The following FBXW11 variants were observed in gnomAD, a reference collection of about 807,000 sequenced individuals.
FBXW11 encodes F-box and WD repeat domain containing 11, also known as F-box/WD repeat-containing protein 11.
In FBXW11, 19 loss-of-function variants were observed where a neutral mutation model predicts 77.6. That is an observed-to-expected ratio of 0.24 (90% CI 0.17 to 0.36). The LOEUF (loss-of-function observed/expected upper bound fraction) is 0.36, where lower values mean the gene tolerates loss of function less well. Among genes scored for constraint, FBXW11 ranks in the 10% least tolerant of loss-of-function variants. FBXW11 has a pLI of 1.00. For synonymous variants in FBXW11, 235 were observed against 249.4 expected (o/e 0.94, Z 0.54); for missense variants, 334 against 704.2 (o/e 0.47, Z 5.95).
At chr5:171,913,749 C>T (rs150800679) in intron 3 of FBXW11, among the ~76,000 whole-genome samples, 132 of 151,396 alleles carry the variant, frequency 8.7e-4, no homozygotes, top group Middle Eastern at 3.4e-3. Context: ...GCCATGTGTA[C>T]CAGCATGGTT....
At position 171,870,787 on chromosome 5, in the gene FBXW11, C is replaced by A; in HGVS notation, c.1412G>T (p.Arg471Leu). Residue 471 changes from arginine (R) to leucine (L), a missense_variant, in exon 11 of 14, where the codon CGG becomes CTG. Coordinates refer to ENST00000517395, the MANE Select transcript of FBXW11 (RefSeq NM_001378974.1). ...EGHEELVRCI[R>L]FDNKRIVSGA... ...ACTGACAATCCTCTTGTTATCAAAC[C>A]GGATGCATCGGACCAATTCTTCATG... The A allele has an allele frequency of 6.2e-7, 1 of 1,613,976 alleles. No individual in the cohort carries two copies.
intron 6 of FBXW11, among the ~76,000 whole-genome samples, chr5:171,893,431 A>AAAAAAAAAAC (rs1759508228): frequency 6.9e-6 from 1 of 145,158 alleles, no homozygotes; most frequent in Non-Finnish European, 1.5e-5. Context: ...CAAAAAAAAA[A>AAAAAAAAAAC]AAAAAAAAAA....
intron 1 of FBXW11, among the ~76,000 whole-genome samples, chr5:171,999,755 A>G (rs1281772613): frequency 6.6e-6 from 1 of 152,116 alleles, no homozygotes; most frequent in Non-Finnish European, 1.5e-5. Flanking sequence ...GCTTTTTACT[A>G]TACAATGGTT....
At chr5:172,004,152 T>C (rs1766584842) in intron 1 of FBXW11, among the ~76,000 whole-genome samples, 2 of 152,252 alleles carry the variant, frequency 1.3e-5, no homozygotes, top group Admixed American at 1.3e-4. Context: ...AATTAGATTC[T>C]AAGGCATTAT....
At chr5:171,933,024 G>C (rs556186754) in intron 2 of FBXW11, among the ~76,000 whole-genome samples, 1 of 148,026 alleles carries the variant, frequency 6.8e-6, no homozygotes, top group Non-Finnish European at 1.5e-5. Context: ...CCAGCTACTT[G>C]TGAGGCTGAG....
At chr5:171,866,073 T>C (rs974050938) in intron 13 of FBXW11, among the ~76,000 whole-genome samples, 1 of 152,176 alleles carries the variant, frequency 6.6e-6, no homozygotes, top group African/African-American at 2.4e-5. Context: ...GAGACCAGCC[T>C]GGCCAACATG....
At chr5:171,987,830 G>A (rs1334653923) in intron 1 of FBXW11, among the ~76,000 whole-genome samples, 4 of 151,994 alleles carry the variant, frequency 2.6e-5, no homozygotes, top group Admixed American at 6.6e-5. Context: ...TCTACTTCCC[G>A]TGATCCTTAC....
At chr5:171,871,485 C>T (rs1439402712) in intron 10 of FBXW11, among the ~76,000 whole-genome samples, 1 of 152,136 alleles carries the variant, frequency 6.6e-6, no homozygotes, top group Non-Finnish European at 1.5e-5. Context: ...CTGGGATTGA[C>T]GGTTTACAAA....
intron 1 of FBXW11, among the ~76,000 whole-genome samples, chr5:171,990,805 G>A (rs1472108974): frequency 1.3e-5 from 2 of 152,056 alleles, no homozygotes; most frequent in African/African-American, 4.8e-5. Context: ...TAGAAGGAAT[G>A]AGAAACTTTT....
At chr5:171,953,846 T>C (rs935632381) in intron 2 of FBXW11, among the ~76,000 whole-genome samples, 7 of 152,092 alleles carry the variant, frequency 4.6e-5, no homozygotes, top group Non-Finnish European at 8.8e-5. Context: ...TAAAAAATAT[T>C]CTCTTATATC....
chr5:171,939,558 C>A (rs1391619826), intron 2 of FBXW11, among the ~76,000 whole-genome samples: 45 of 151,934 alleles, frequency 3.0e-4, no homozygotes, highest in Non-Finnish European at 5.9e-5. Context: ...ATTAACAGGG[C>A]ATGGTGACAT....
intron 1 of FBXW11, among the ~76,000 whole-genome samples, chr5:171,998,796 CAAAAA>C (rs34476350): frequency 1.7e-5 from 1 of 60,032 alleles, no homozygotes. Context: ...GACTCCGTCT[CAAAAA>C]AAAAAAAAAA....
chr5:171,995,074 A>T (rs1002408496), intron 1 of FBXW11, among the ~76,000 whole-genome samples: 14 of 152,328 alleles, frequency 9.2e-5, no homozygotes, highest in Middle Eastern at 3.4e-3. Context: ...GTCTACAATA[A>T]AAAGAAAATT....
At chr5:171,915,051 TG>T (rs1209660828) in intron 2 of FBXW11, among the ~76,000 whole-genome samples, 1 of 152,246 alleles carries the variant, frequency 6.6e-6, no homozygotes, top group Non-Finnish European at 1.5e-5. Context: ...TTCTTTCTGG[TG>T]ATCCAGTCGC....
chr5:172,001,682 C>T (rs1008838763), intron 1 of FBXW11, among the ~76,000 whole-genome samples: 35 of 152,194 alleles, frequency 2.3e-4, no homozygotes, highest in African/African-American at 8.4e-4. Flanking sequence ...CAGTGCTATA[C>T]AGACACAAAA....
chr5:171,956,956 C>A (rs961986270), intron 2 of FBXW11, among the ~76,000 whole-genome samples: 1 of 152,188 alleles, frequency 6.6e-6, no homozygotes, highest in Non-Finnish European at 1.5e-5. Context: ...CCTGAGCAAC[C>A]CTTTCCCATC....
chr5:171,878,603 AGTGTGTGT>A (rs34099380), intron 7 of FBXW11, among the ~76,000 whole-genome samples: 50 of 128,578 alleles, frequency 3.9e-4, no homozygotes, highest in African/African-American at 1.2e-3. Context: ...AGAGAGAGAG[AGTGTGTGT>A]GTGTGTGTGT....
At chr5:171,983,839 C>T (rs1346690553) in intron 1 of FBXW11, among the ~76,000 whole-genome samples, 2 of 152,114 alleles carry the variant, frequency 1.3e-5, no homozygotes, top group African/African-American at 4.8e-5. Flanking sequence ...TCATGTCTAC[C>T]TTAGAATTGC....
At chr5:171,888,898 C>T (rs1021912391) in intron 7 of FBXW11, among the ~76,000 whole-genome samples, 3 of 151,836 alleles carry the variant, frequency 2.0e-5, no homozygotes, top group African/African-American at 4.8e-5. Flanking sequence ...CTTGATGGGG[C>T]GGAGGGTAAC....
Sources: allele counts gnomAD v4.1 joint callset (sites outside exome capture counted in the v4.1 genomes callset), GRCh38; gene constraint gnomAD v4.1.1; transcripts MANE v1.5; gene names NCBI Gene and HGNC (gene_info 2026-07-23, HGNC 2026-07-21).